The following ITIH3 variants were observed in gnomAD, a reference collection of about 807,000 sequenced individuals.
The protein encoded by ITIH3 is inter-alpha-trypsin inhibitor heavy chain H3.
Under a neutral mutation model 96.5 loss-of-function variants are expected in ITIH3, and 81 were observed. The ratio of observed to expected loss-of-function variants is 0.84; its 90% CI spans 0.70 to 1.01. ITIH3 has a LOEUF of 1.01. Among genes scored for constraint, ITIH3 ranks in the 50% least tolerant of loss-of-function variants. The probability of loss-of-function intolerance (pLI) is 0.00; values close to 1 mark genes in which losing one functional copy is unlikely to be tolerated. For synonymous variants in ITIH3, 422 were observed against 445.2 expected (o/e 0.95, Z 0.66); for missense variants, 1,057 against 1,139.3 (o/e 0.93, Z 1.04).
intron 15 of ITIH3, 160 bp downstream of exon 15, chr3:52,804,894 C>G: frequency 1.3e-6 from 1 of 759,290 alleles, no homozygotes; most frequent in Non-Finnish European, 2.2e-6. Flanking sequence ...ACGTGCCCCT[C>G]TCTGAGCCTG....
At chr3:52,799,589 G>A in intron 8 of ITIH3, 101 bp downstream of exon 8, 2 of 1,075,074 alleles carry the variant, frequency 1.9e-6, no homozygotes, top group Non-Finnish European at 1.3e-6. Context: ...TGAATGAGGA[G>A]AAAGGGGACA....
At chr3:52,807,938 G>A (rs1331805061) in intron 20 of ITIH3, 22 bp downstream of exon 20, 6 of 1,609,076 alleles carry the variant, frequency 3.7e-6, no homozygotes, top group Non-Finnish European at 5.1e-6. Flanking sequence ...TCAGACTGCA[G>A]GCTGTTCAGG....
intron 18 of ITIH3, 98 bp downstream of exon 18, chr3:52,806,504 G>T: frequency 1.1e-6 from 1 of 884,204 alleles, no homozygotes; most frequent in Non-Finnish European, 1.7e-6. Flanking sequence ...ACTCTGCCCA[G>T]TAAGGCATCA....
intron 13 of ITIH3, 26 bp downstream of exon 13, chr3:52,802,832 G>A (rs776552762): frequency 7.4e-6 from 12 of 1,612,802 alleles, no homozygotes; most frequent in East Asian, 2.2e-5. Context: ...GCCCCCACCT[G>A]TGCCTACCCC....
At chr3:52,807,659 G>A in intron 19 of ITIH3, 88 bp from the exon 20 acceptor site, 1 of 1,308,262 alleles carries the variant, frequency 7.6e-7, no homozygotes, top group Non-Finnish European at 1.1e-6. Context: ...GCCATGTACA[G>A]GGGAGGCCCC....
In ITIH3 at chr3:52,797,203, G is replaced by C; in HGVS notation, c.485G>C (p.Arg162Thr). 1.9e-6 allele frequency: 3 copies of C among 1,609,002 alleles called. No homozygotes were observed. In the South Asian group the frequency reaches 3.3e-5, roughly 18 times the overall value. The change falls in exon 5 of 22, where the codon AGG (arginine) becomes ACG (threonine). Residue 162 changes from arginine to threonine, a missense_variant. By Grantham distance (71) the Arg-to-Thr change is moderately conservative. Coordinates refer to ENST00000449956, the MANE Select transcript of ITIH3 (RefSeq NM_002217.4). Reference sequence around the variant, plus strand: ...CTAACCTACGAGGAGCTGCTGAAGAGGCACAAGGGCAAGTACGAGATGTAC... The same window carrying C: ...CTAACCTACGAGGAGCTGCTGAAGACGCACAAGGGCAAGTACGAGATGTAC... ...FELTYEELLKRHKGKYEMYLK... is the reference protein window; with the variant it reads ...FELTYEELLKTHKGKYEMYLK...
chr3:52,803,266 TTTTATTTA>T (rs146326248), intron 13 of ITIH3, among the ~76,000 whole-genome samples: 3,931 of 142,568 alleles, frequency 0.028, 51 homozygotes, highest in Non-Finnish European at 0.041. Context: ...TAGCCCCTTA[TTTTATTTA>T]TTTATTTATT....
chr3:52,802,827 C>G (rs545945863), intron 13 of ITIH3, 21 bp downstream of exon 13: 18 of 1,613,126 alleles, frequency 1.1e-5, no homozygotes, highest in Middle Eastern at 1.7e-4. Context: ...TCCCAGCCCC[C>G]ACCTGTGCCT....
chr3:52,798,081 G>A (rs1559470606), intron 6 of ITIH3, among the ~76,000 whole-genome samples, 151 bp downstream of exon 6: 1 of 152,172 alleles, frequency 6.6e-6, no homozygotes, highest in Non-Finnish European at 1.5e-5. Flanking sequence ...CTTCCTCCTT[G>A]CCCACTGGGG....
At chr3:52,807,190 C>A in intron 19 of ITIH3, 85 bp downstream of exon 19, 1 of 1,179,894 alleles carries the variant, frequency 8.5e-7, no homozygotes, top group Non-Finnish European at 1.2e-6. Flanking sequence ...AATCCCAGGA[C>A]AGGAGATCCA....
chr3:52,794,901 G>T lies in ITIH3; in HGVS notation c.93+5G>T. ...AGCCCCTTTCGGCTGCTTGGGGTGA[G>T]TCTGCCCCCTCTTTGCCATCTGGGT... On this transcript the variant is annotated splice_donor_5th_base_variant and intron_variant, in intron 1 of 21. Coordinates refer to ENST00000449956, the MANE Select transcript of ITIH3 (RefSeq NM_002217.4). 6.2e-7 allele frequency: 1 copy of T among 1,611,462 alleles called. No homozygotes were observed. The highest frequency in any genetic ancestry group is 8.5e-7 in the Non-Finnish European group (1 of 1,177,712).
intron 15 of ITIH3, 96 bp downstream of exon 15, chr3:52,804,830 G>A (rs1699979116): frequency 2.9e-6 from 4 of 1,389,402 alleles, no homozygotes; most frequent in East Asian, 2.5e-5. Context: ...CCCCAGCCAT[G>A]GGGGCACACT....
chr3:52,797,715 G>C lies in ITIH3; in HGVS notation c.550-102G>C, dbSNP rs1035442684. On this transcript the variant is annotated intron_variant, in intron 5 of 21. Transcript: ENST00000449956. ...CTTGGCCCTCAGCACTGTCCTAGAG[G>C]GTCCCTGCATCACCACAGACCCATC... 122 of 722,244 alleles carry C rather than the reference G, an allele frequency of 1.7e-4. No individual in the cohort carries two copies. The Admixed American group carries it at 2.2e-3, about 13-fold the overall frequency. 44.7% of individuals were successfully genotyped at this position (722,244 alleles called of 1,614,324 possible). A position where few individuals can be genotyped will look rare whatever the true frequency, so the allele number is the denominator to read the frequency against.
intron 4 of ITIH3, 80 bp from the exon 5 acceptor site, chr3:52,797,025 G>A: frequency 6.6e-7 from 1 of 1,504,914 alleles, no homozygotes; most frequent in East Asian, 2.4e-5. Context: ...CTCGCCAAAG[G>A]GCTGGGCCTG....
At chr3:52,803,534 A>G (rs537303420) in intron 13 of ITIH3, among the ~76,000 whole-genome samples, 10 of 151,910 alleles carry the variant, frequency 6.6e-5, no homozygotes, top group South Asian at 2.1e-4. Flanking sequence ...GGCCAGGCTG[A>G]TCTCGAACTC....
chr3:52,799,071 G>C lies in ITIH3; in HGVS notation c.769G>C (p.Glu257Gln). 1.2e-6 allele frequency: 2 copies of C among 1,613,556 alleles called. No homozygotes were observed. Among genetic ancestry groups the C allele is most frequent in the African/African-American group, 1.3e-5 (1 of 75,062 alleles). ...DFTITYDVNR[E>Q]SPGNVQIVNG... ...CACTATCACCTATGACGTGAACAGAGAATCTCCTGGCAACGTGCAGGTACC... is the reference window on the plus strand; with the variant it reads ...CACTATCACCTATGACGTGAACAGACAATCTCCTGGCAACGTGCAGGTACC... Residue 257 changes from glutamate (E) to glutamine (Q), a missense_variant, in exon 7 of 22, where the codon GAA (glutamate) becomes CAA (glutamine). Glu to Gln is a conservative substitution (Grantham distance 29). Coordinates refer to ENST00000449956, the MANE Select transcript of ITIH3 (RefSeq NM_002217.4).
intron 6 of ITIH3, 51 bp downstream of exon 6, chr3:52,797,981 C>A: frequency 8.9e-7 from 1 of 1,126,664 alleles, no homozygotes; most frequent in Non-Finnish European, 1.3e-6. Context: ...GGAATACTGA[C>A]TCCAGCAGAA....
chr3:52,797,292 G>T (rs762983443), intron 5 of ITIH3, 25 bp downstream of exon 5: 3 of 1,582,858 alleles, frequency 1.9e-6, no homozygotes, highest in Non-Finnish European at 2.6e-6. Flanking sequence ...CTGCAGACCT[G>T]GGGGGACGGC....
rs745441762 is a variant in ITIH3 at position 52,799,891 on chromosome 3, A to AC, written c.1046dup (p.Phe350ValfsTer8). On this transcript the variant is annotated frameshift_variant, in exon 9 of 22. Transcript: ENST00000449956. LOFTEE classifies it high-confidence loss of function. ...GCCCGAGAACCTCCAGGAGGCCAGGACGTTTGTGAAGAGCATGGAGGATAA... is the reference window on the plus strand; with the variant it reads ...GCCCGAGAACCTCCAGGAGGCCAGGACCGTTTGTGAAGAGCATGGAGGATAA... The AC allele has an allele frequency of 1.9e-6, 3 of 1,613,778 alleles. No homozygotes were observed. The South Asian group carries it at 3.3e-5, about 18-fold the overall frequency.
Sources: gnomAD v4.1 joint callset for allele counts (sites outside exome capture counted in the v4.1 genomes callset) on GRCh38, gnomAD v4.1.1 for gene constraint, MANE v1.5 for transcripts, NCBI Gene and HGNC (gene_info 2026-07-23, HGNC 2026-07-21) for gene names.